The following MACF1 variants were observed in gnomAD, a reference collection of about 807,000 sequenced individuals.
MACF1 encodes microtubule actin crosslinking factor 1, also known as microtubule-actin cross-linking factor 1.
MACF1 carries 193 observed loss-of-function variants against 854.8 expected under a neutral mutation model. That is an observed-to-expected ratio of 0.23 (90% CI 0.20 to 0.25). The LOEUF (loss-of-function observed/expected upper bound fraction) is 0.25. MACF1 is among the 10% of genes least tolerant of loss of function. The probability of loss-of-function intolerance (pLI) is 1.00; values close to 1 mark genes in which losing one functional copy is unlikely to be tolerated. For missense variants in MACF1, 7,722 were observed against 8,929.1 expected (o/e 0.86, Z 5.45); for synonymous variants, 3,185 against 3,226.7 (o/e 0.99, Z 0.44).
At position 39,163,340 on chromosome 1, in the gene MACF1, C is replaced by CAAAAAAAAAAAAAAAAAAA. The variant is rs11371076; in HGVS notation, c.221-67840_221-67822dup. Among the ~76,000 whole-genome samples the CAAAAAAAAAAAAAAAAAAA allele has an allele frequency of 6.1e-4, 49 of 80,090 alleles. 1 individual carries two copies. Among genetic ancestry groups the CAAAAAAAAAAAAAAAAAAA allele is most frequent in the East Asian group, 1.1e-3 (3 of 2,686 alleles). 52.5% of individuals were successfully genotyped at this position (80,090 alleles called of 152,430 possible). On this transcript the variant is annotated intron_variant, in intron 2 of 93. Coordinates refer to the MACF1 transcript ENST00000361689. ...CCTGGGTGACAGAGCAAGACTGTCT[C>CAAAAAAAAAAAAAAAAAAA]AAAAAAAAAAAAAAAAAAAAGAAAA... is the stretch of plus-strand genomic sequence containing the variant.
In MACF1 at chr1:39,197,140, T is replaced by G. The variant is rs202173199; in HGVS notation, c.221-34042T>G. Reference sequence around the variant, plus strand: ...TCCTGTAAATGACAGCACACAGATCTTAGTTTCACCAAGTGAAAAAATTAT... The same window carrying G: ...TCCTGTAAATGACAGCACACAGATCGTAGTTTCACCAAGTGAAAAAATTAT... On this transcript the variant is annotated intron_variant, in intron 2 of 93. Transcript: ENST00000361689. 3.9e-5 allele frequency among the ~76,000 whole-genome samples: 6 copies of G among 152,272 alleles called. No homozygotes were observed. In the East Asian group the frequency reaches 1.2e-3, roughly 29 times the overall value.
intron 58 of MACF1, among the ~76,000 whole-genome samples, chr1:39,397,560 C>CA (rs1289604143): frequency 1.4e-3 from 187 of 131,084 alleles, no homozygotes; most frequent in South Asian, 2.4e-3. Flanking sequence ...AACTTCGTTC[C>CA]AAAAAAAAAA....
chr1:39,396,065 G>A (rs1485425092), intron 58 of MACF1, among the ~76,000 whole-genome samples: 1 of 152,196 alleles, frequency 6.6e-6, no homozygotes, highest in South Asian at 2.1e-4. Flanking sequence ...AACAGGCTAG[G>A]CGCAGTGGCT....
intron 60 of MACF1, 125 bp from the exon 61 acceptor site, chr1:39,423,903 A>C: frequency 1.3e-6 from 1 of 771,666 alleles, no homozygotes; most frequent in Non-Finnish European, 2.0e-6. Context: ...CAAGGATGAA[A>C]AAAACTTCTT....
Position 39,319,756 on chromosome 1 carries a change from AC to A in MACF1, c.4029+11del. 6.3e-7 allele frequency: 1 copy of A among 1,591,202 alleles called. No individual in the cohort carries two copies. Among genetic ancestry groups the A allele is most frequent in the Non-Finnish European group, 8.6e-7 (1 of 1,161,220 alleles). The stretch of plus-strand genomic sequence containing the variant: ...ACTCTACTATTGTAAAGGTAACTTT[AC>A]CACATCCCAAAAAGAACATGAATCA... On this transcript the variant is annotated intron_variant, in intron 31 of 100. Coordinates refer to ENST00000564288, the MANE Select transcript of MACF1 (RefSeq NM_001394062.1).
At chr1:39,410,770 A>G (rs1448911768) in intron 58 of MACF1, 19 of 1,613,888 alleles carry the variant, frequency 1.2e-5, no homozygotes, top group Non-Finnish European at 1.4e-5. Context: ...GCAAGAGAAG[A>G]AGGAGTCCAG....
At chr1:39,112,274 G>A (rs926473744) in intron 2 of MACF1, among the ~76,000 whole-genome samples, 4 of 151,680 alleles carry the variant, frequency 2.6e-5, no homozygotes, top group African/African-American at 7.3e-5. Context: ...TTTTAATAGA[G>A]ACGGTTTCAC....
chr1:39,314,943 GTTAT>G (rs1266203145), intron 26 of MACF1, among the ~76,000 whole-genome samples: 1 of 152,060 alleles, frequency 6.6e-6, no homozygotes, highest in South Asian at 2.1e-4. Flanking sequence ...GTGTGATTAT[GTTAT>G]TTATCTGAAA....
intron 66 of MACF1, among the ~76,000 whole-genome samples, chr1:39,431,802 A>AG (rs397714017): frequency 0.029 from 9 of 312 alleles, no homozygotes; most frequent in African/African-American, 0.078. Context: ...AACAAGACAC[A>AG]TCTCTACAGA....
chr1:39,106,263 G>T (rs1468403832), intron 2 of MACF1, among the ~76,000 whole-genome samples: 2 of 152,110 alleles, frequency 1.3e-5, no homozygotes, highest in Non-Finnish European at 2.9e-5. Context: ...TTGGTGGCGA[G>T]ACCTTACCCC....
chr1:39,314,248 A>G (rs993712350), intron 26 of MACF1, among the ~76,000 whole-genome samples: 1 of 152,070 alleles, frequency 6.6e-6, no homozygotes, highest in Non-Finnish European at 1.5e-5. Context: ...GTCTCTACTA[A>G]TAATACAAAA....
At chr1:39,437,320 T>C (rs1032370448) in intron 70 of MACF1, among the ~76,000 whole-genome samples, 2 of 152,076 alleles carry the variant, frequency 1.3e-5, no homozygotes, top group Non-Finnish European at 2.9e-5. Context: ...TTTTCTTTTT[T>C]TTTTCTTTTA....
At chr1:39,473,047 T>TCC (rs995294507) in intron 97 of MACF1, among the ~76,000 whole-genome samples, 1 of 152,234 alleles carries the variant, frequency 6.6e-6, no homozygotes, top group East Asian at 1.9e-4. Flanking sequence ...TGAAATACTA[T>TCC]CCCAAGAGGT....
intron 2 of MACF1, among the ~76,000 whole-genome samples, chr1:39,094,718 CAAAAAAA>C (rs78652109): frequency 7.3e-6 from 1 of 137,868 alleles, no homozygotes; most frequent in African/African-American, 2.6e-5. Context: ...AACTCTGTCT[CAAAAAAA>C]AAAAAGAAAA....
At chr1:39,463,960 T>A (rs1644609568) in intron 94 of MACF1, 1 of 323,442 alleles carries the variant, frequency 3.1e-6, no homozygotes, top group South Asian at 3.5e-5. Flanking sequence ...CCTAGGGGGA[T>A]GAAGGTACCT....
intron 2 of MACF1, among the ~76,000 whole-genome samples, chr1:39,148,490 A>C (rs1643510817): frequency 6.6e-6 from 1 of 152,228 alleles, no homozygotes. Flanking sequence ...AACTGCTGTA[A>C]ATATTTTGAT....
intron 21 of MACF1, among the ~76,000 whole-genome samples, chr1:39,298,814 A>G (rs1392967253): frequency 6.6e-6 from 1 of 151,926 alleles, no homozygotes; most frequent in East Asian, 1.9e-4. Flanking sequence ...GAGGAATATA[A>G]TCATTGGCTA....
chr1:39,186,340 C>A (rs2148240834), intron 2 of MACF1, among the ~76,000 whole-genome samples: 1 of 150,956 alleles, frequency 6.6e-6, no homozygotes, highest in African/African-American at 2.4e-5. Flanking sequence ...ATGCTCGGCT[C>A]ACTGCAACCA....
chr1:39,452,108 A>T, intron 85 of MACF1, 48 bp from the exon 86 acceptor site: 1 of 1,455,938 alleles, frequency 6.9e-7, no homozygotes, highest in Non-Finnish European at 9.3e-7. Context: ...GGTTTCTTGG[A>T]CTCAAAACAT....
Sources: allele counts gnomAD v4.1 joint callset (sites outside exome capture counted in the v4.1 genomes callset), GRCh38; gene constraint gnomAD v4.1.1; transcripts MANE v1.5; gene names NCBI Gene and HGNC (gene_info 2026-07-23, HGNC 2026-07-21).